BIN2: variants seen among roughly 807,000 people sequenced by gnomAD.
BIN2 encodes breast cancer associated protein BRAP1.
BIN2 carries 43 observed loss-of-function variants against 67.9 expected under a neutral mutation model. The observed-to-expected ratio is 0.63, with a 90% CI of 0.50 to 0.82. BIN2 has a LOEUF of 0.82. Ranked by LOEUF, BIN2 falls within the 40% of genes least tolerant of loss-of-function variation. BIN2 has a pLI of 0.00. For missense variants in BIN2, 581 were observed against 671.6 expected (o/e 0.87, Z 1.49); for synonymous variants, 244 against 246.8 (o/e 0.99, Z 0.11).
chr12:51,288,613 C>T (rs1361709510), intron 10 of BIN2, among the ~76,000 whole-genome samples: 1 of 152,070 alleles, frequency 6.6e-6, no homozygotes, highest in Non-Finnish European at 1.5e-5. Flanking sequence ...TCATACCCCA[C>T]CTCCTAGAAA....
At chr12:51,315,464 G>A (rs894316186) in intron 1 of BIN2, among the ~76,000 whole-genome samples, 6 of 152,142 alleles carry the variant, frequency 3.9e-5, no homozygotes, top group Admixed American at 2.6e-4. Flanking sequence ...GAGCCACTGC[G>A]CCCGGCCTGT....
intron 1 of BIN2, among the ~76,000 whole-genome samples, chr12:51,320,954 A>AACAC (rs59450014): frequency 1.4e-5 from 2 of 147,240 alleles, no homozygotes; most frequent in Non-Finnish European, 3.0e-5. Context: ...CACACACACA[A>AACAC]ACACACACAC....
chr12:51,299,956 G>A (rs1007410702), intron 5 of BIN2, among the ~76,000 whole-genome samples: 3 of 151,674 alleles, frequency 2.0e-5, no homozygotes, highest in South Asian at 2.1e-4. Context: ...TTTGTGCTTC[G>A]GCCTCCCAGG....
At chr12:51,307,257 T>C (rs1945890266) in intron 2 of BIN2, among the ~76,000 whole-genome samples, 3 of 139,730 alleles carry the variant, frequency 2.1e-5, no homozygotes, top group Non-Finnish European at 3.0e-5. Flanking sequence ...TACTCTAGCC[T>C]GGGCGACAGA....
At position 51,295,512 on chromosome 12, in the gene BIN2, T is replaced by G. The variant is rs189537984; in HGVS notation, c.761+284A>C. 9.2e-4 allele frequency among the ~76,000 whole-genome samples: 128 copies of G among 138,724 alleles called. 1 individual carries two copies. Among genetic ancestry groups the G allele is most frequent in the African/African-American group, 3.2e-3 (120 of 37,616 alleles). 91.0% of individuals were successfully genotyped at this position (138,724 alleles called of 152,430 possible). A position where few individuals can be genotyped will look rare whatever the true frequency, so the allele number is the denominator to read the frequency against. ...CGGGAGGCGGAGCTTGCAGTGAGCC[T>G]AGATCGCGCCACTGCGCTCCAGCCT... On this transcript the variant is annotated intron_variant, in intron 9 of 12. Transcript: ENST00000615107.
chr12:51,295,777 A>C lies in BIN2; in HGVS notation c.761+19T>G. 1 of 1,609,286 alleles carries C rather than the reference A, an allele frequency of 6.2e-7. No individual in the cohort carries two copies. The highest frequency in any genetic ancestry group is 2.2e-5 in the East Asian group (1 of 44,830). ...ACACACAGGACAAGCGAAGCAAAAA[A>C]GTCTTGGATGCTGCTCACCTTGACA... On this transcript the variant is annotated intron_variant, in intron 9 of 12. Transcript: ENST00000615107.
intron 6 of BIN2, 132 bp from the exon 7 acceptor site, chr12:51,299,420 C>T: frequency 3.0e-6 from 3 of 997,578 alleles, no homozygotes; most frequent in Admixed American, 2.0e-5. Flanking sequence ...CCTGACCATG[C>T]CCTCCCCAGC....
intron 3 of BIN2, 122 bp downstream of exon 3, chr12:51,302,965 G>T: frequency 8.0e-7 from 1 of 1,250,056 alleles, no homozygotes; most frequent in Non-Finnish European, 1.2e-6. Flanking sequence ...AAAATTCCAG[G>T]AGTCAAGAGT....
At position 51,296,496 on chromosome 12, in the gene BIN2, C is replaced by CA. The variant is rs200414380; in HGVS notation, c.678+592dup. 9.3e-3 allele frequency among the ~76,000 whole-genome samples: 1,030 copies of CA among 111,156 alleles called. 6 individuals are homozygous for CA. The highest frequency in any genetic ancestry group is 0.022 in the African/African-American group (666 of 29,762). The allele number at this position is 111,156 out of a possible 152,430, so 72.9% of individuals were successfully genotyped here. ...TAGGTGCCAGAGCAAGACTCCGTCTCAAAAAAAAAAAAACCAAAAAACCTC... is the reference window on the plus strand; with the variant it reads ...TAGGTGCCAGAGCAAGACTCCGTCTCAAAAAAAAAAAAAACCAAAAAACCTC... On this transcript the variant is annotated intron_variant, in intron 8 of 12. Coordinates refer to ENST00000615107, the MANE Select transcript of BIN2 (RefSeq NM_016293.4).
intron 12 of BIN2, among the ~76,000 whole-genome samples, chr12:51,281,965 G>A (rs1945129485): frequency 6.6e-6 from 1 of 151,954 alleles, no homozygotes; most frequent in South Asian, 2.1e-4. Context: ...GAACTCCTGG[G>A]CTCAAGTGAT....
chr12:51,299,037 T>G (rs1301411643), intron 7 of BIN2, among the ~76,000 whole-genome samples, 166 bp downstream of exon 7: 1 of 148,086 alleles, frequency 6.8e-6, no homozygotes, highest in Non-Finnish European at 1.5e-5. Context: ...TGAGTGCTAC[T>G]GCACTCTAGC....
At chr12:51,296,965 A>T in intron 8 of BIN2, 124 bp downstream of exon 8, 1 of 802,768 alleles carries the variant, frequency 1.2e-6, no homozygotes, top group Non-Finnish European at 2.0e-6. Context: ...TTATTTCATC[A>T]TGAGAGAAAA....
At chr12:51,299,138 A>T in intron 7 of BIN2, 65 bp downstream of exon 7, 2 of 1,165,482 alleles carry the variant, frequency 1.7e-6, no homozygotes, top group Non-Finnish European at 2.5e-6. Context: ...TTATCTACTT[A>T]CTGTCAAGGC....
In BIN2 at chr12:51,288,158, T is replaced by A. The variant is rs1212853840; in HGVS notation, c.1546A>T (p.Met516Leu). Reference protein sequence around the residue: ...VASEPGEAKKMEDKEKDNKLI... With the variant: ...VASEPGEAKKLEDKEKDNKLI... ...TTATTATCCTTTTCCTTGTCTTCCA[T>A]CTTCTTTGCCTCTCCAGGCTCTGAA... Residue 516 changes from methionine to leucine, a missense_variant, in exon 11 of 13, where the codon ATG becomes TTG. Met to Leu is a conservative substitution (Grantham distance 15). Transcript: ENST00000615107. 6.2e-7 allele frequency: 1 copy of A among 1,614,004 alleles called. No homozygotes were observed. Among genetic ancestry groups the A allele is most frequent in the Admixed American group, 1.7e-5 (1 of 60,020 alleles).
At position 51,324,079 on chromosome 12, in the gene BIN2, G is replaced by A. The variant is rs1162419242; in HGVS notation, c.24C>T (p.Gly8=). The stretch of plus-strand genomic sequence containing the variant: ...CCTGCTTGGCGAAGAGGCCGGCCGC[G>A]CCGCCTGCCTTGCCCTCTGCCATCC... MAEGKAG[G]AAGLFAKQVQ... is the part of the protein sequence containing the mutation. Residue 8 remains glycine (G), a synonymous_variant, in exon 1 of 13, where the codon GGC becomes GGT. Transcript: ENST00000615107. 2.5e-6 allele frequency: 4 copies of A among 1,613,352 alleles called. No individual in the cohort carries two copies. The highest frequency in any genetic ancestry group is 1.7e-5 in the Admixed American group (1 of 59,994).
intron 2 of BIN2, among the ~76,000 whole-genome samples, chr12:51,303,543 T>A (rs1945789025): frequency 6.6e-6 from 1 of 152,176 alleles, no homozygotes; most frequent in African/African-American, 2.4e-5. Context: ...CACACAGACA[T>A]TCCTCTCCTC....
intron 8 of BIN2, among the ~76,000 whole-genome samples, chr12:51,296,496 CAA>C (rs200414380): frequency 2.7e-5 from 3 of 111,486 alleles, no homozygotes; most frequent in Non-Finnish European, 3.8e-5. Context: ...GACTCCGTCT[CAA>C]AAAAAAAAAA....
rs1238368049 is a variant in BIN2 at position 51,281,508 on chromosome 12, T to G, written c.1689A>C (p.Pro563=). 6.2e-7 allele frequency: 1 copy of G among 1,614,106 alleles called. No individual in the cohort carries two copies. Among genetic ancestry groups the G allele is most frequent in the Non-Finnish European group, 8.5e-7 (1 of 1,179,986 alleles). ...TCTTGGTAGTTTCTCTTCAGAGTTG[T>G]GGATTTTCACTTGTGGATACCTGGA... ...PQEEVSTSEN[P]QL The change falls in exon 13 of 13, where the codon CCA becomes CCC. Residue 563 remains proline (P), a synonymous_variant. Coordinates refer to ENST00000615107, the MANE Select transcript of BIN2 (RefSeq NM_016293.4).
At position 51,324,159 on chromosome 12, in the gene BIN2, C is replaced by T; in HGVS notation, c.-57G>A. The T allele has an allele frequency of 6.2e-7, 1 of 1,600,892 alleles. No individual in the cohort carries two copies. The highest frequency in any genetic ancestry group is 8.5e-7 in the Non-Finnish European group (1 of 1,174,378). Reference sequence around the variant, plus strand: ...CCCCGCGCCCTGTGGTTTTCTGAGGCCCCCGAGGAGGAAGTGCGGGCTCCC... The same window carrying T: ...CCCCGCGCCCTGTGGTTTTCTGAGGTCCCCGAGGAGGAAGTGCGGGCTCCC... On this transcript the variant is annotated 5_prime_UTR_variant, in exon 1 of 13. Transcript: ENST00000615107.
Sources: allele counts gnomAD v4.1 joint callset (sites outside exome capture counted in the v4.1 genomes callset), GRCh38; gene constraint gnomAD v4.1.1; transcripts MANE v1.5; gene names NCBI Gene and HGNC (gene_info 2026-07-23, HGNC 2026-07-21).